MICAL3: variants seen among roughly 807,000 people sequenced by gnomAD.
MICAL3 encodes the protein microtubule associated monooxygenase, calponin and LIM domain containing 3.
In MICAL3, 62 loss-of-function variants were observed where a neutral mutation model predicts 207.4. That is an observed-to-expected ratio of 0.30 (90% CI 0.24 to 0.37). MICAL3 has a LOEUF of 0.37. Among genes scored for constraint, MICAL3 ranks in the 10% least tolerant of loss-of-function variants. The pLI is 1.00. For synonymous variants in MICAL3, 1,077 were observed against 1,069.3 expected (o/e 1.01, Z -0.14); for missense variants, 2,368 against 2,635.6 (o/e 0.90, Z 2.22).
Position 17,931,920 on chromosome 22 carries a change from C to T in MICAL3, c.-74-25034G>A, listed in dbSNP as rs117613255. Among the ~76,000 whole-genome samples, 1,335 of 152,296 alleles carry T rather than the reference C, an allele frequency of 8.8e-3. 8 individuals are homozygous for T. Among genetic ancestry groups the T allele is most frequent in the South Asian group, 0.022 (106 of 4,822 alleles). ...TGAGTGCACAGTATATGTCAAGATC[C>T]GTGCTTGCAATTAAACTTACAGTGG... is the stretch of plus-strand genomic sequence containing the variant. On this transcript the variant is annotated intron_variant, in intron 1 of 31. Coordinates refer to ENST00000441493, the MANE Select transcript of MICAL3 (RefSeq NM_015241.3).
In MICAL3 at chr22:17,950,166, A is replaced by ATT. The variant is rs10657913; in HGVS notation, c.-74-43282_-74-43281dup. On this transcript the variant is annotated intron_variant, in intron 1 of 31. Transcript: ENST00000441493. ...GGTCATTCACAGGGTACAGCTGTCT[A>ATT]TTTTTTTTTTTGGAGACAAGAGTCT... 3.0e-3 allele frequency among the ~76,000 whole-genome samples: 432 copies of ATT among 144,010 alleles called. 3 individuals are homozygous for ATT. Among genetic ancestry groups the ATT allele is most frequent in the Admixed American group, 4.7e-3 (68 of 14,568 alleles). 94.5% of individuals were successfully genotyped at this position (144,010 alleles called of 152,430 possible). A position where few individuals can be genotyped will look rare whatever the true frequency, so the allele number is the denominator to read the frequency against.
intron 3 of MICAL3, 126 bp downstream of exon 3, chr22:17,904,506 G>C: frequency 1.3e-6 from 1 of 752,000 alleles, no homozygotes; most frequent in Non-Finnish European, 2.4e-6. Flanking sequence ...CTATAAGAAA[G>C]ACAGTAATGA....
intron 19 of MICAL3, among the ~76,000 whole-genome samples, chr22:17,858,846 T>A (rs1398200229): frequency 6.6e-6 from 1 of 152,166 alleles, no homozygotes; most frequent in East Asian, 1.9e-4. Context: ...AGTGGTCCCC[T>A]CCCCTTTATT....
At chr22:17,964,326 T>G (rs1329048177) in intron 1 of MICAL3, among the ~76,000 whole-genome samples, 3 of 152,222 alleles carry the variant, frequency 2.0e-5, no homozygotes, top group Admixed American at 2.0e-4. Context: ...CTTATATGAT[T>G]GAGGCCAAAT....
rs987079406 is a variant in MICAL3, at chr22:17,787,713, A to C, written c.*3019T>G. 2 of 152,234 alleles carry C rather than the reference A, an allele frequency of 1.3e-5. No homozygotes were observed. The highest frequency in any genetic ancestry group is 1.9e-4 in the East Asian group (1 of 5,198). The allele number at this position is 152,234 out of a possible 1,614,324, so 9.4% of individuals were successfully genotyped here. On this transcript the variant is annotated 3_prime_UTR_variant, in exon 32 of 32. Coordinates refer to ENST00000441493, the MANE Select transcript of MICAL3 (RefSeq NM_015241.3). Reference sequence around the variant, plus strand: ...TTCCCTTTGTGGGTCAGATGTTACCACCTTTAAAAAAATGTTTTTTAACTC... The same window carrying C: ...TTCCCTTTGTGGGTCAGATGTTACCCCCTTTAAAAAAATGTTTTTTAACTC...
rs147141519 is a variant in MICAL3, at chr22:17,870,788, C to T, written c.2428+1049G>A. ...CTAATTCTTTCATTCTTCCCCGACT[C>T]GGGAGTGCTTTTTACCAACATAGCA... On this transcript the variant is annotated intron_variant, in intron 17 of 31. Transcript: ENST00000441493. Among the ~76,000 whole-genome samples the T allele has an allele frequency of 1.5e-3, 221 of 152,250 alleles. 1 individual carries two copies. The highest frequency in any genetic ancestry group is 4.9e-3 in the African/African-American group (205 of 41,544).
intron 1 of MICAL3, among the ~76,000 whole-genome samples, chr22:17,916,674 C>T (rs559842789): frequency 1.3e-5 from 2 of 152,148 alleles, no homozygotes; most frequent in Admixed American, 1.3e-4. Flanking sequence ...TCTGCCCCCC[C>T]ACAACCCCAC....
chr22:17,869,455 C>G (rs1240510679), intron 17 of MICAL3, among the ~76,000 whole-genome samples: 2 of 152,106 alleles, frequency 1.3e-5, no homozygotes, highest in Non-Finnish European at 2.9e-5. Flanking sequence ...TAGCGTATGT[C>G]TCTTCTCAAG....
At chr22:17,893,926 A>C (rs543452332) in intron 10 of MICAL3, 22 bp from the exon 11 acceptor site, 128 of 1,503,006 alleles carry the variant, frequency 8.5e-5, no homozygotes, top group Non-Finnish European at 1.1e-4. Flanking sequence ...TTACAAAGTC[A>C]AACAGAAAGA....
chr22:17,830,815 T>A (rs1922721834), intron 21 of MICAL3, among the ~76,000 whole-genome samples: 1 of 152,198 alleles, frequency 6.6e-6, no homozygotes, highest in Non-Finnish European at 1.5e-5. Flanking sequence ...CGCCAGCTGT[T>A]CTCGCGGACG....
At chr22:17,909,349 C>CCAG (rs1258505884) in intron 1 of MICAL3, among the ~76,000 whole-genome samples, 1 of 152,034 alleles carries the variant, frequency 6.6e-6, no homozygotes, top group South Asian at 2.1e-4. Flanking sequence ...CATGATGAAA[C>CCAG]CCTATCTCTA....
Position 17,968,078 on chromosome 22 carries a change from A to C in MICAL3, c.-75+56203T>G, listed in dbSNP as rs186278928. On this transcript the variant is annotated intron_variant, in intron 1 of 31. Transcript: ENST00000441493. Reference sequence around the variant, plus strand: ...AGAGTAAAATTTAAAAATTAAATAAAAATAATTATTAAATGATGCTTGTAA... The same window carrying C: ...AGAGTAAAATTTAAAAATTAAATAACAATAATTATTAAATGATGCTTGTAA... Among the ~76,000 whole-genome samples, 541 of 152,242 alleles carry C rather than the reference A, an allele frequency of 3.6e-3. 1 individual carries two copies. Among genetic ancestry groups the C allele is most frequent in the African/African-American group, 0.013 (528 of 41,566 alleles).
At chr22:17,873,000 G>GTGC (rs1356785389) in intron 16 of MICAL3, 4 of 639,792 alleles carry the variant, frequency 6.3e-6, no homozygotes, top group Non-Finnish European at 1.1e-5. Context: ...TGCCAACACA[G>GTGC]TGCTCACAGG....
chr22:17,975,518 C>T (rs1465950563), intron 1 of MICAL3, among the ~76,000 whole-genome samples: 1 of 152,060 alleles, frequency 6.6e-6, no homozygotes, highest in Non-Finnish European at 1.5e-5. Context: ...CCACACCCAG[C>T]CCCCCAGCTA....
chr22:17,896,216 T>A (rs767880193), intron 9 of MICAL3, 30 bp downstream of exon 9: 104 of 1,361,682 alleles, frequency 7.6e-5, no homozygotes, highest in Non-Finnish European at 1.0e-4. Flanking sequence ...AGTTTTCTCA[T>A]GAAAGGAACC....
chr22:17,865,057 A>C, intron 18 of MICAL3, 71 bp from the exon 19 acceptor site: 1 of 1,355,930 alleles, frequency 7.4e-7, no homozygotes, highest in South Asian at 2.0e-5. Flanking sequence ...CCCTAGAGGC[A>C]CTGACAATCT....
intron 1 of MICAL3, among the ~76,000 whole-genome samples, chr22:17,990,465 C>A (rs760953888): frequency 6.6e-6 from 1 of 152,168 alleles, no homozygotes; most frequent in African/African-American, 2.4e-5. Context: ...GTGCTTACCA[C>A]GTGCTGGGAG....
chr22:17,977,714 T>C (rs940253389), intron 1 of MICAL3, among the ~76,000 whole-genome samples: 2 of 152,136 alleles, frequency 1.3e-5, no homozygotes, highest in Admixed American at 1.3e-4. Flanking sequence ...CTTAGGTATA[T>C]ACTCAAGAGA....
chr22:17,819,153 C>T (rs369498693), intron 25 of MICAL3, 24 bp from the exon 26 acceptor site: 29 of 1,438,868 alleles, frequency 2.0e-5, no homozygotes, highest in Admixed American at 5.0e-5. Context: ...AGACAGAAGC[C>T]GCTGAGAAGG....
Sources: allele counts gnomAD v4.1 joint callset (sites outside exome capture counted in the v4.1 genomes callset), GRCh38; gene constraint gnomAD v4.1.1; transcripts MANE v1.5; gene names NCBI Gene and HGNC (gene_info 2026-07-23, HGNC 2026-07-21).